Variants in BMP5 observed in about 807,000 individuals in gnomAD.
BMP5 encodes the protein bone morphogenetic protein 5.
Under a neutral mutation model 46.6 loss-of-function variants are expected in BMP5, and 23 were observed. That is an observed-to-expected ratio of 0.49 (90% CI 0.35 to 0.70). BMP5 has a LOEUF of 0.70. Ranked by LOEUF, BMP5 falls within the 30% of genes least tolerant of loss-of-function variation. The probability of loss-of-function intolerance (pLI) is 0.00; values close to 1 mark genes in which losing one functional copy is unlikely to be tolerated. For synonymous variants in BMP5, 204 were observed against 191.9 expected (o/e 1.06, Z -0.52); for missense variants, 545 against 565.6 (o/e 0.96, Z 0.37).
intron 5 of BMP5, among the ~76,000 whole-genome samples, chr6:55,759,865 G>A (rs1774722225): frequency 1.3e-5 from 2 of 151,762 alleles, no homozygotes; most frequent in Admixed American, 1.3e-4. Flanking sequence ...CATTTTAATA[G>A]TATTTCTCAA....
chr6:55,761,682 C>A (rs1774784598), intron 4 of BMP5, among the ~76,000 whole-genome samples: 1 of 152,118 alleles, frequency 6.6e-6, no homozygotes, highest in Non-Finnish European at 1.5e-5. Flanking sequence ...CTTCACTACC[C>A]TTTTAATATT....
At chr6:55,842,709 T>C (rs947183967) in intron 1 of BMP5, among the ~76,000 whole-genome samples, 5 of 152,022 alleles carry the variant, frequency 3.3e-5, no homozygotes, top group African/African-American at 1.2e-4. Flanking sequence ...CACATTCTGT[T>C]GAAGATTATA....
At chr6:55,819,869 A>AG (rs768353115) in intron 1 of BMP5, 22 bp from the exon 2 acceptor site, 1 of 1,597,840 alleles carries the variant, frequency 6.3e-7, no homozygotes, top group Non-Finnish European at 8.6e-7. Flanking sequence ...AAGGGGGTTG[A>AG]GGGGGAAAAA....
chr6:55,773,233 C>T (rs1775088220), intron 4 of BMP5, among the ~76,000 whole-genome samples: 1 of 151,818 alleles, frequency 6.6e-6, no homozygotes, highest in South Asian at 2.1e-4. Flanking sequence ...TGAGATGTTC[C>T]AGGATGAGTT....
rs1439459104 is a variant in BMP5, at chr6:55,829,720, AT to A, written c.491-9874del. On this transcript the variant is annotated intron_variant, in intron 1 of 6. Transcript: ENST00000370830. ...AAAAATACATAACCATGCAAAAAAA[AT>A]AACATTTATCTTATGGTTATTATCA... 5.9e-5 allele frequency among the ~76,000 whole-genome samples: 9 copies of A among 152,096 alleles called. No homozygotes were observed. In the East Asian group the frequency reaches 1.7e-3, roughly 29 times the overall value.
intron 2 of BMP5, among the ~76,000 whole-genome samples, chr6:55,796,071 AC>A (rs1195362612): frequency 1.3e-5 from 2 of 152,160 alleles, no homozygotes; most frequent in African/African-American, 4.8e-5. Context: ...TATCTCTGAG[AC>A]CTTAATCTTG....
chr6:55,757,550 G>T, intron 6 of BMP5, among the ~76,000 whole-genome samples: 1 of 151,758 alleles, frequency 6.6e-6, no homozygotes, highest in Non-Finnish European at 1.5e-5. Flanking sequence ...ATCCATCCTT[G>T]CAAAGCCTAC....
intron 2 of BMP5, among the ~76,000 whole-genome samples, chr6:55,816,035 T>C (rs57385665): frequency 0.022 from 3,340 of 152,066 alleles, 126 homozygotes; most frequent in African/African-American, 0.077. Context: ...ATTCTGCAAT[T>C]AAATACAATT....
intron 3 of BMP5, among the ~76,000 whole-genome samples, chr6:55,777,953 A>C (rs945406436): frequency 6.6e-6 from 1 of 152,022 alleles, no homozygotes; most frequent in Admixed American, 6.6e-5. Context: ...GCTTCTGAGC[A>C]GTTCCACATT....
intron 3 of BMP5, among the ~76,000 whole-genome samples, chr6:55,779,838 A>G (rs1451024654): frequency 6.6e-6 from 1 of 151,612 alleles, no homozygotes; most frequent in East Asian, 1.9e-4. Flanking sequence ...GTTCCTCCTT[A>G]TTACTTTCTT....
intron 2 of BMP5, among the ~76,000 whole-genome samples, chr6:55,805,348 A>T (rs897500699): frequency 3.3e-5 from 5 of 152,096 alleles, no homozygotes; most frequent in Non-Finnish European, 5.9e-5. Context: ...CCCGTCATCA[A>T]AGTTTTAAGC....
intron 2 of BMP5, among the ~76,000 whole-genome samples, chr6:55,817,549 A>G (rs1776305115): frequency 6.6e-6 from 1 of 151,864 alleles, no homozygotes; most frequent in African/African-American, 2.4e-5. Flanking sequence ...GAATTGAACA[A>G]TGAGAACACA....
intron 2 of BMP5, among the ~76,000 whole-genome samples, chr6:55,819,169 T>A (rs1776349696): frequency 6.6e-6 from 1 of 152,228 alleles, no homozygotes. Context: ...AGACTATCTG[T>A]CCATTTTTGT....
intron 5 of BMP5, 29 bp from the exon 6 acceptor site, chr6:55,759,144 CAAAAAAAAAAAAAAAA>C (rs754365141): frequency 1.2e-4 from 10 of 85,078 alleles, no homozygotes; most frequent in African/African-American, 5.3e-4. Context: ...CACACACACA[CAAAAAAAAAAAAAAAA>C]AAAAAAAAAA....
At chr6:55,803,399 T>C (rs1008817276) in intron 2 of BMP5, among the ~76,000 whole-genome samples, 1 of 152,028 alleles carries the variant, frequency 6.6e-6, no homozygotes, top group African/African-American at 2.4e-5. Flanking sequence ...GTTGTGACTA[T>C]GTACATTGTC....
chr6:55,838,296 A>T (rs1776872006), intron 1 of BMP5, among the ~76,000 whole-genome samples: 1 of 152,120 alleles, frequency 6.6e-6, no homozygotes, highest in Admixed American at 6.5e-5. Context: ...ACACCCTCAC[A>T]AGCGTTTGTT....
chr6:55,864,822 A>T (rs2127554728), intron 1 of BMP5, among the ~76,000 whole-genome samples: 1 of 152,256 alleles, frequency 6.6e-6, no homozygotes, highest in African/African-American at 2.4e-5. Context: ...GAGACCAAAC[A>T]AATACATTTT....
At chr6:55,755,796 C>T (rs1316488185) in intron 6 of BMP5, 114 bp from the exon 7 acceptor site, 1 of 1,003,338 alleles carries the variant, frequency 1.0e-6, no homozygotes, top group East Asian at 2.6e-5. Context: ...TTAAGCTGAT[C>T]TCCCTTCTCC....
At chr6:55,766,362 G>A (rs998128173) in intron 4 of BMP5, among the ~76,000 whole-genome samples, 12 of 151,704 alleles carry the variant, frequency 7.9e-5, no homozygotes, top group African/African-American at 2.9e-4. Flanking sequence ...TGTTTCCTGT[G>A]GCATTTGGTC....
Sources: allele counts gnomAD v4.1 joint callset (sites outside exome capture counted in the v4.1 genomes callset), GRCh38; gene constraint gnomAD v4.1.1; transcripts MANE v1.5; gene names NCBI Gene and HGNC (gene_info 2026-07-23, HGNC 2026-07-21).